Variants in KCNK2 observed in about 807,000 individuals in gnomAD.
KCNK2 encodes potassium channel subfamily K member 2.
In KCNK2, 21 loss-of-function variants were observed where a neutral mutation model predicts 40.5. The observed-to-expected ratio is 0.52, with a 90% CI of 0.37 to 0.75. KCNK2 has a LOEUF of 0.75. Ranked by LOEUF, KCNK2 falls within the 30% of genes least tolerant of loss-of-function variation. The pLI is 0.00. For synonymous variants in KCNK2, 191 were observed against 202.2 expected (o/e 0.94, Z 0.47); for missense variants, 399 against 531.6 (o/e 0.75, Z 2.45).
intron 2 of KCNK2, among the ~76,000 whole-genome samples, chr1:215,095,647 T>C (rs1304315388): frequency 2.0e-5 from 3 of 152,102 alleles, no homozygotes; most frequent in East Asian, 3.9e-4. Context: ...TGTTATGGGG[T>C]TGCGTTTTTT....
At chr1:215,141,661 A>G in intron 3 of KCNK2, among the ~76,000 whole-genome samples, 1 of 152,112 alleles carries the variant, frequency 6.6e-6, no homozygotes, top group Non-Finnish European at 1.5e-5. Flanking sequence ...GGCTGGGTAT[A>G]AAATTCTGGG....
At chr1:215,210,741 G>T (rs1425906971) in intron 6 of KCNK2, among the ~76,000 whole-genome samples, 2 of 152,070 alleles carry the variant, frequency 1.3e-5, no homozygotes, top group Non-Finnish European at 1.5e-5. Context: ...GGTAGATACG[G>T]TAATAGAGAT....
At chr1:215,090,939 T>A (rs1231699100) in intron 2 of KCNK2, among the ~76,000 whole-genome samples, 5 of 152,134 alleles carry the variant, frequency 3.3e-5, no homozygotes, top group African/African-American at 1.2e-4. Context: ...GGACCTCCAA[T>A]GTGTTTACCT....
chr1:215,078,176 G>C (rs1659017204), upstream of KCNK2, among the ~76,000 whole-genome samples: 1 of 152,158 alleles, frequency 6.6e-6, no homozygotes, highest in Admixed American at 6.5e-5. Flanking sequence ...ATTTGTGTGG[G>C]GCCACATTCA....
intron 6 of KCNK2, among the ~76,000 whole-genome samples, chr1:215,233,968 A>G (rs1666774702): frequency 6.6e-6 from 1 of 152,198 alleles, no homozygotes; most frequent in African/African-American, 2.4e-5. Flanking sequence ...TTTAATTCTC[A>G]AAAGATAACT....
chr1:215,108,158 C>T (rs1183749762), intron 2 of KCNK2, among the ~76,000 whole-genome samples: 1 of 152,104 alleles, frequency 6.6e-6, no homozygotes, highest in Non-Finnish European at 1.5e-5. Context: ...TGACAGGAGG[C>T]AGAGCTCAGG....
At chr1:215,183,152 T>G (rs2102650797) in intron 5 of KCNK2, among the ~76,000 whole-genome samples, 1 of 152,270 alleles carries the variant, frequency 6.6e-6, no homozygotes, top group African/African-American at 2.4e-5. Flanking sequence ...TTCAAGTGAC[T>G]GAAGCACACT....
At chr1:215,136,392 C>CT (rs1661917094) in intron 3 of KCNK2, among the ~76,000 whole-genome samples, 1 of 152,166 alleles carries the variant, frequency 6.6e-6, no homozygotes, top group African/African-American at 2.4e-5. Context: ...GCCACCATGC[C>CT]TGGCCTCAAA....
intron 2 of KCNK2, among the ~76,000 whole-genome samples, chr1:215,106,868 T>A (rs180875970): frequency 1.0e-3 from 154 of 152,134 alleles, no homozygotes; most frequent in Non-Finnish European, 1.7e-3. Flanking sequence ...TTATTTCTGT[T>A]GACTTTGTTG....
At chr1:215,204,103 A>G (rs1665206350) in intron 6 of KCNK2, among the ~76,000 whole-genome samples, 1 of 142,392 alleles carries the variant, frequency 7.0e-6, no homozygotes. Flanking sequence ...AAATCTACCC[A>G]CATGCTCATT....
At chr1:215,194,253 T>C (rs1457407713) in intron 5 of KCNK2, among the ~76,000 whole-genome samples, 2 of 152,168 alleles carry the variant, frequency 1.3e-5, no homozygotes, top group African/African-American at 4.8e-5. Context: ...GGAGAAGTAC[T>C]TCAAGGATTA....
At chr1:215,078,130 T>TA (rs1366441065), upstream of KCNK2, among the ~76,000 whole-genome samples, 2 of 152,120 alleles carry the variant, frequency 1.3e-5, no homozygotes, top group African/African-American at 4.8e-5. Flanking sequence ...AAGCAAATCA[T>TA]AAAAAAACCT....
chr1:215,020,898 A>G (rs1656764836), intron 1 of KCNK2, among the ~76,000 whole-genome samples: 1 of 152,186 alleles, frequency 6.6e-6, no homozygotes, highest in African/African-American at 2.4e-5. Context: ...CATACATAGG[A>G]TATCACCTTT....
chr1:215,204,032 C>T lies in KCNK2; in HGVS notation c.963+8940C>T, dbSNP rs552514589. Among the ~76,000 whole-genome samples, 77 of 77,800 alleles carry T rather than the reference C, an allele frequency of 9.9e-4. 1 individual carries two copies. The highest frequency in any genetic ancestry group is 3.6e-3 in the African/African-American group (66 of 18,190). The allele number at this position is 77,800 out of a possible 152,430, so 51.0% of individuals were successfully genotyped here. On this transcript the variant is annotated intron_variant, in intron 6 of 6. Coordinates refer to ENST00000444842, the MANE Select transcript of KCNK2 (RefSeq NM_001017425.3). Reference sequence around the variant, plus strand: ...CAGCCTGGGCGATAGAGCGAGACTCCGTCTCAAAAAAAAAAAAAAAAAAAA... The same window carrying T: ...CAGCCTGGGCGATAGAGCGAGACTCTGTCTCAAAAAAAAAAAAAAAAAAAA...
chr1:215,209,424 T>TATATATTATATATA (rs1478392800), intron 6 of KCNK2, among the ~76,000 whole-genome samples: 1 of 54,886 alleles, frequency 1.8e-5, no homozygotes, highest in Non-Finnish European at 2.9e-5. Context: ...TTATATATAA[T>TATATATTATATATA]ATATATAATA....
At chr1:215,044,086 CA>C (rs956513476) in intron 1 of KCNK2, among the ~76,000 whole-genome samples, 1 of 151,974 alleles carries the variant, frequency 6.6e-6, no homozygotes, top group Non-Finnish European at 1.5e-5. Context: ...CAAAGAAGGA[CA>C]CAAGGTTACA....
At chr1:215,073,695 C>T (rs1203238653) in intron 1 of KCNK2, among the ~76,000 whole-genome samples, 1 of 151,984 alleles carries the variant, frequency 6.6e-6, no homozygotes, top group Non-Finnish European at 1.5e-5. Flanking sequence ...GGTGTATTGA[C>T]TTACTTGCTG....
chr1:215,085,885 T>A (rs1659410064), intron 1 of KCNK2, among the ~76,000 whole-genome samples: 1 of 152,248 alleles, frequency 6.6e-6, no homozygotes, highest in Non-Finnish European at 1.5e-5. Flanking sequence ...TTTATTGTAA[T>A]AAATTTTAAA....
At chr1:215,157,577 A>G (rs1662988611) in intron 3 of KCNK2, among the ~76,000 whole-genome samples, 1 of 152,184 alleles carries the variant, frequency 6.6e-6, no homozygotes, top group African/African-American at 2.4e-5. Context: ...CAAGGGAAAC[A>G]TTTTGAGTAT....
Sources: gnomAD v4.1 joint callset for allele counts (sites outside exome capture counted in the v4.1 genomes callset) on GRCh38, gnomAD v4.1.1 for gene constraint, MANE v1.5 for transcripts, NCBI Gene and HGNC (gene_info 2026-07-23, HGNC 2026-07-21) for gene names.